Variants in GNG12 observed in about 807,000 individuals in gnomAD.
The protein encoded by GNG12 is G protein subunit gamma 12.
For missense variants in GNG12, 69 were observed against 83.8 expected (o/e 0.82, Z 0.69); for synonymous variants, 28 against 29.7 (o/e 0.94, Z 0.19).
At chr1:67,714,368 C>A (rs774716382) in intron 2 of GNG12, among the ~76,000 whole-genome samples, 17 of 152,190 alleles carry the variant, frequency 1.1e-4, no homozygotes, top group Non-Finnish European at 2.4e-4. Flanking sequence ...TCACTCCCGT[C>A]CTGCCACTTC....
chr1:67,732,616 T>C (rs1646426502), intron 2 of GNG12, among the ~76,000 whole-genome samples: 1 of 152,198 alleles, frequency 6.6e-6, no homozygotes, highest in Non-Finnish European at 1.5e-5. Flanking sequence ...ACACTGCTTG[T>C]TTTCTTTGTA....
rs186884806 is a variant in GNG12 at position 67,739,857 on chromosome 1, C to T, written c.-26-32145G>A. Among the ~76,000 whole-genome samples, 420 of 152,208 alleles carry T rather than the reference C, an allele frequency of 2.8e-3. 4 individuals carry two copies. Among genetic ancestry groups the T allele is most frequent in the Admixed American group, 6.0e-3 (92 of 15,290 alleles). On this transcript the variant is annotated intron_variant, in intron 2 of 3. Transcript: ENST00000370982. ...GTGAAACTAGAACTCCACAATGGGC[C>T]GGAAAATATTTACAACTCTGTTTTA...
rs556385122 is a variant in GNG12, at chr1:67,833,064, G to T, written c.-77+280C>A. Among the ~76,000 whole-genome samples the T allele has an allele frequency of 5.3e-5, 8 of 151,448 alleles. No individual in the cohort carries two copies. In the East Asian group the frequency reaches 1.4e-3, roughly 27 times the overall value. ...TTCCCGCAACCTCGGGCGGCCGCCC[G>T]TCGAGGGCGCGCGCGCCGTTTCTGC... is the stretch of plus-strand genomic sequence containing the variant. On this transcript the variant is annotated intron_variant, in intron 1 of 3. Transcript: ENST00000370982.
intron 2 of GNG12, among the ~76,000 whole-genome samples, chr1:67,721,435 C>T (rs529406926): frequency 6.6e-6 from 1 of 152,278 alleles, no homozygotes; most frequent in East Asian, 1.9e-4. Flanking sequence ...GAATCAGAAA[C>T]TCTGGGAGTG....
At chr1:67,733,670 T>C (rs1307293538) in intron 2 of GNG12, among the ~76,000 whole-genome samples, 1 of 152,198 alleles carries the variant, frequency 6.6e-6, no homozygotes, top group African/African-American at 2.4e-5. Context: ...TTTTGAAAAT[T>C]TGTAAATTTC....
intron 2 of GNG12, among the ~76,000 whole-genome samples, chr1:67,727,910 C>A (rs976107235): frequency 6.6e-6 from 1 of 152,106 alleles, no homozygotes; most frequent in Non-Finnish European, 1.5e-5. Context: ...AAAACAGAAC[C>A]TTTTGCCTCA....
At chr1:67,819,370 T>C (rs1646972647) in intron 1 of GNG12, among the ~76,000 whole-genome samples, 1 of 152,186 alleles carries the variant, frequency 6.6e-6, no homozygotes. Flanking sequence ...AATCTACAGT[T>C]GTGTCTTAGG....
intron 2 of GNG12, among the ~76,000 whole-genome samples, chr1:67,713,060 C>T (rs1422189353): frequency 6.6e-6 from 1 of 152,170 alleles, no homozygotes; most frequent in Admixed American, 6.5e-5. Flanking sequence ...GGGTGACTGA[C>T]ACGCGGTGAC....
rs1646226915 is a variant in GNG12, at chr1:67,703,485, T to C, written c.*1966A>G. ...GAAAATCAGATTAGTGTTCTGAAAC[T>C]GAGTAGAAAAATAGACTTATAAAAA... On this transcript the variant is annotated 3_prime_UTR_variant, in exon 4 of 4. Transcript: ENST00000370982. 6.6e-6 allele frequency: 1 copy of C among 152,170 alleles called. No homozygotes were observed. Among genetic ancestry groups the C allele is most frequent in the African/African-American group, 2.4e-5 (1 of 41,440 alleles). The allele number at this position is 152,170 out of a possible 1,614,324, so 9.4% of individuals were successfully genotyped here. A position where few individuals can be genotyped will look rare whatever the true frequency, so the allele number is the denominator to read the frequency against.
chr1:67,828,109 C>A (rs537524746), intron 1 of GNG12, among the ~76,000 whole-genome samples: 1 of 152,146 alleles, frequency 6.6e-6, no homozygotes, highest in Non-Finnish European at 1.5e-5. Context: ...ACTATCCAGA[C>A]CCCCTTTGGA....
At chr1:67,738,512 T>A (rs1198141835) in intron 2 of GNG12, among the ~76,000 whole-genome samples, 1 of 152,096 alleles carries the variant, frequency 6.6e-6, no homozygotes, top group Non-Finnish European at 1.5e-5. Context: ...AGCTTCAACC[T>A]CCCCCTGGAG....
rs545147124 is a variant in GNG12, at chr1:67,704,406, T to C, written c.*1045A>G. ...TTACCTCTGCAAACAGATGCTCTGG[T>C]AAGAGAAGAAAGACACAGGGAAGGC... On this transcript the variant is annotated 3_prime_UTR_variant, in exon 4 of 4. Coordinates refer to ENST00000370982, the MANE Select transcript of GNG12 (RefSeq NM_018841.6). 12 of 152,280 alleles carry C rather than the reference T, an allele frequency of 7.9e-5. No homozygotes were observed. In the South Asian group the frequency reaches 2.5e-3, roughly 32 times the overall value. The allele number at this position is 152,280 out of a possible 1,614,324, so 9.4% of individuals were successfully genotyped here.
intron 1 of GNG12, among the ~76,000 whole-genome samples, chr1:67,811,008 A>C (rs1474516259): frequency 2.0e-5 from 3 of 152,136 alleles, no homozygotes; most frequent in African/African-American, 7.2e-5. Flanking sequence ...CATCACCTGG[A>C]AACTGGTTAA....
At chr1:67,707,386 A>G (rs2100667155) in intron 3 of GNG12, among the ~76,000 whole-genome samples, 1 of 152,194 alleles carries the variant, frequency 6.6e-6, no homozygotes, top group East Asian at 1.9e-4. Context: ...AGTTTTACAA[A>G]CAGAGAGGCT....
At chr1:67,794,765 A>T (rs2100788124) in intron 1 of GNG12, among the ~76,000 whole-genome samples, 1 of 152,368 alleles carries the variant, frequency 6.6e-6, no homozygotes, top group South Asian at 2.1e-4. Flanking sequence ...CTTCAAGCTT[A>T]TAGGGCAAGT....
At chr1:67,726,920 C>A (rs946842997) in intron 2 of GNG12, among the ~76,000 whole-genome samples, 1 of 152,144 alleles carries the variant, frequency 6.6e-6, no homozygotes, top group Non-Finnish European at 1.5e-5. Context: ...GTTTCAAAAG[C>A]CGCTCCTCTT....
Position 67,702,080 on chromosome 1 carries a change from A to G in GNG12, c.*3371T>C, listed in dbSNP as rs1557588578. ...AGCGCCTTGTCCAAGGTCACACAGC[A>G]CAGGACAGACTGGGAAATGATCCAG... is the stretch of plus-strand genomic sequence containing the variant. On this transcript the variant is annotated 3_prime_UTR_variant, in exon 4 of 4. Coordinates refer to ENST00000370982, the MANE Select transcript of GNG12 (RefSeq NM_018841.6). The G allele has an allele frequency of 6.5e-6, 1 of 152,868 alleles. No individual in the cohort carries two copies. The highest frequency in any genetic ancestry group is 1.5e-5 in the Non-Finnish European group (1 of 68,170). The allele number at this position is 152,868 out of a possible 1,614,324, so 9.5% of individuals were successfully genotyped here.
At chr1:67,722,070 C>T (rs1646359295) in intron 2 of GNG12, among the ~76,000 whole-genome samples, 2 of 152,086 alleles carry the variant, frequency 1.3e-5, no homozygotes, top group African/African-American at 2.4e-5. Flanking sequence ...AGAGGGCATG[C>T]TTTCTAATAT....
chr1:67,808,283 A>C (rs79808473), intron 1 of GNG12, among the ~76,000 whole-genome samples: 11,380 of 152,128 alleles, frequency 0.075, 630 homozygotes, highest in Non-Finnish European at 0.098. Flanking sequence ...TAAAAAAACT[A>C]TGTAAACTAA....
Sources: gnomAD v4.1 joint callset for allele counts (sites outside exome capture counted in the v4.1 genomes callset) on GRCh38, gnomAD v4.1.1 for gene constraint, MANE v1.5 for transcripts, NCBI Gene and HGNC (gene_info 2026-07-23, HGNC 2026-07-21) for gene names.